The following NELL2 variants were observed in gnomAD, a reference collection of about 807,000 sequenced individuals.
NELL2 encodes the protein protein kinase C-binding protein NELL2.
NELL2 carries 41 observed loss-of-function variants against 109.6 expected under a neutral mutation model. That is an observed-to-expected ratio of 0.37 (90% CI 0.29 to 0.49). The LOEUF (loss-of-function observed/expected upper bound fraction) is 0.49, where lower values mean the gene tolerates loss of function less well. Ranked by LOEUF, NELL2 falls within the 20% of genes least tolerant of loss-of-function variation. The pLI, the probability that NELL2 is intolerant of heterozygous loss-of-function variation, is 0.98. For missense variants in NELL2, 900 were observed against 1,008.3 expected (o/e 0.89, Z 1.45); for synonymous variants, 355 against 344.7 (o/e 1.03, Z -0.33).
At chr12:44,782,594 G>A (rs1592522799) in intron 3 of NELL2, among the ~76,000 whole-genome samples, 1 of 151,442 alleles carries the variant, frequency 6.6e-6, no homozygotes, top group Non-Finnish European at 1.5e-5. Context: ...AGCAGAAATG[G>A]CTATATTAAT....
In NELL2 at chr12:44,875,254, T is replaced by C. The variant is rs1592694211; in HGVS notation, c.155A>G (p.His52Arg). ...AAAGAGAAAGGCTTTCGTCCCATTATGCAGCCCCGGGACCTGACGCACTCC... is the reference window on the plus strand; with the variant it reads ...AAAGAGAAAGGCTTTCGTCCCATTACGCAGCCCCGGGACCTGACGCACTCC... ...TTGVRQVPGL[H>R]NGTKAFLFQD... The change falls in exon 2 of 20, where the codon CAT becomes CGT. Residue 52 changes from histidine to arginine, a missense_variant. His to Arg is a conservative substitution (Grantham distance 29). This residue lies in a region of NELL2 where 200 missense variants were observed against 191.8 expected (regional missense o/e 1.04). Coordinates refer to ENST00000429094, the MANE Select transcript of NELL2 (RefSeq NM_001145108.2). 1 of 1,614,072 alleles carries C rather than the reference T, an allele frequency of 6.2e-7. No individual in the cohort carries two copies. The highest frequency in any genetic ancestry group is 8.5e-7 in the Non-Finnish European group (1 of 1,179,976).
chr12:44,752,470 C>T (rs532553330), intron 9 of NELL2, among the ~76,000 whole-genome samples: 10 of 152,226 alleles, frequency 6.6e-5, no homozygotes, highest in African/African-American at 2.2e-4. Context: ...AAATGATTCA[C>T]CCAGGTTCAC....
chr12:44,548,622 T>G lies in NELL2; in HGVS notation c.1664-15901A>C, dbSNP rs144674729. Among the ~76,000 whole-genome samples, 176 of 151,526 alleles carry G rather than the reference T, an allele frequency of 1.2e-3. 1 individual carries two copies. The East Asian group carries it at 0.026, about 23-fold the overall frequency. On this transcript the variant is annotated intron_variant, in intron 15 of 19. Transcript: ENST00000429094. ...GAGAGGCCTGAAAGCTAAGCTACCGTTTTTTTTGGTTGTTCAAAGAATATG... is the reference window on the plus strand; with the variant it reads ...GAGAGGCCTGAAAGCTAAGCTACCGGTTTTTTTGGTTGTTCAAAGAATATG...
At chr12:44,903,078 C>T (rs1432330641) in intron 1 of NELL2, among the ~76,000 whole-genome samples, 2 of 152,090 alleles carry the variant, frequency 1.3e-5, no homozygotes, top group Non-Finnish European at 2.9e-5. Flanking sequence ...AGCTTCTGCA[C>T]AGCAAAATAA....
intron 3 of NELL2, among the ~76,000 whole-genome samples, chr12:44,791,981 AT>A (rs1362027428): frequency 6.6e-6 from 1 of 151,496 alleles, no homozygotes; most frequent in East Asian, 1.9e-4. Flanking sequence ...GCACTTTGAC[AT>A]TTTGAGGCAC....
chr12:44,681,012 T>G (rs1948478019), intron 12 of NELL2, among the ~76,000 whole-genome samples: 1 of 150,896 alleles, frequency 6.6e-6, no homozygotes, highest in African/African-American at 2.4e-5. Flanking sequence ...TGTGCAATTC[T>G]TTTTTTTTAA....
chr12:44,820,240 G>A (rs1392424394), intron 2 of NELL2, among the ~76,000 whole-genome samples: 1 of 152,172 alleles, frequency 6.6e-6, no homozygotes, highest in Admixed American at 6.5e-5. Context: ...AGTCCAGGAA[G>A]GACTTGATGA....
intron 3 of NELL2, among the ~76,000 whole-genome samples, chr12:44,796,634 G>T (rs1417392329): frequency 1.3e-5 from 2 of 152,034 alleles, no homozygotes; most frequent in Non-Finnish European, 2.9e-5. Flanking sequence ...AGGTTTAGCT[G>T]TTTCAAAACT....
At chr12:44,592,776 C>T (rs1228970424) in intron 15 of NELL2, among the ~76,000 whole-genome samples, 1 of 152,210 alleles carries the variant, frequency 6.6e-6, no homozygotes, top group Non-Finnish European at 1.5e-5. Context: ...ATTGCTAGGG[C>T]TCTTTCCAAG....
chr12:44,805,560 T>C (rs1013508158), intron 3 of NELL2, among the ~76,000 whole-genome samples: 1 of 151,860 alleles, frequency 6.6e-6, no homozygotes, highest in Non-Finnish European at 1.5e-5. Flanking sequence ...TACATCTAAG[T>C]AGATACCTTA....
intron 3 of NELL2, among the ~76,000 whole-genome samples, chr12:44,793,316 T>C (rs926506568): frequency 6.6e-6 from 1 of 152,190 alleles, no homozygotes; most frequent in African/African-American, 2.4e-5. Flanking sequence ...CCCTTTTATC[T>C]TCTTGTTTAA....
Position 44,855,109 on chromosome 12 carries a change from AGTAT to A in NELL2, c.184+20112_184+20115del, listed in dbSNP as rs568872383. 8.5e-5 allele frequency among the ~76,000 whole-genome samples: 13 copies of A among 152,332 alleles called. No individual in the cohort carries two copies. In the East Asian group the frequency reaches 2.1e-3, roughly 25 times the overall value. On this transcript the variant is annotated intron_variant, in intron 2 of 19. Coordinates refer to ENST00000429094, the MANE Select transcript of NELL2 (RefSeq NM_001145108.2). ...ATTTTATACTAAGTCTTCAGCACCT[AGTAT>A]GTATTTCTATACTTATATCACTCCT... is the stretch of plus-strand genomic sequence containing the variant.
chr12:44,887,965 A>G (rs1275924507), intron 1 of NELL2, among the ~76,000 whole-genome samples: 1 of 151,990 alleles, frequency 6.6e-6, no homozygotes, highest in Non-Finnish European at 1.5e-5. Flanking sequence ...TCATAGTTTC[A>G]GTATTAGAGT....
rs1476563674 is a variant in NELL2, at chr12:44,876,101, G to A, written c.-232C>T. On this transcript the variant is annotated 5_prime_UTR_variant, in exon 1 of 20. Transcript: ENST00000429094. ...GCACATCATTCCCACACGCAGGGCC[G>A]AGGCGGCAGCGCGGCCCGGAGGGGG... is the stretch of plus-strand genomic sequence containing the variant. The A allele has an allele frequency of 2.5e-5, 33 of 1,337,120 alleles. No individual in the cohort carries two copies. Among genetic ancestry groups the A allele is most frequent in the Non-Finnish European group, 3.2e-5 (33 of 1,045,058 alleles). 82.8% of individuals were successfully genotyped at this position (1,337,120 alleles called of 1,614,324 possible).
At position 44,841,854 on chromosome 12, in the gene NELL2, G is replaced by A. The variant is rs181702221; in HGVS notation, c.185-25718C>T. Among the ~76,000 whole-genome samples the A allele has an allele frequency of 2.4e-3, 360 of 152,132 alleles. 1 individual carries two copies. The highest frequency in any genetic ancestry group is 7.8e-3 in the African/African-American group (324 of 41,496). On this transcript the variant is annotated intron_variant, in intron 2 of 19. Coordinates refer to ENST00000429094, the MANE Select transcript of NELL2 (RefSeq NM_001145108.2). The stretch of plus-strand genomic sequence containing the variant: ...CTCCCAGAAAGATCATGCCTTAGGA[G>A]TGGAGTTGCTCTAGCTCCTCTAGCC...
chr12:44,876,973 A>C, upstream of NELL2: 1 of 1,036,692 alleles, frequency 9.6e-7, no homozygotes, highest in Non-Finnish European at 1.2e-6. Context: ...CGGAGAGCGC[A>C]GAGAACTTGG....
intron 9 of NELL2, among the ~76,000 whole-genome samples, chr12:44,740,531 C>A (rs1308030282): frequency 1.3e-5 from 2 of 152,026 alleles, no homozygotes; most frequent in African/African-American, 4.8e-5. Context: ...ACCACACATA[C>A]CTAAATCCAA....
At chr12:44,566,275 C>T (rs1215867903) in intron 15 of NELL2, among the ~76,000 whole-genome samples, 1 of 151,886 alleles carries the variant, frequency 6.6e-6, no homozygotes, top group Non-Finnish European at 1.5e-5. Flanking sequence ...AGAGTAGATG[C>T]CTATTGTAGA....
chr12:44,743,981 A>C (rs1203878089), intron 9 of NELL2, among the ~76,000 whole-genome samples: 1 of 152,120 alleles, frequency 6.6e-6, no homozygotes, highest in East Asian at 1.9e-4. Flanking sequence ...CTCCACCCCA[A>C]ATCAACAGAA....
Sources: gnomAD v4.1 joint callset for allele counts (sites outside exome capture counted in the v4.1 genomes callset) on GRCh38, gnomAD v4.1.1 for gene constraint, gnomAD v4.1.1 regional missense constraint, MANE v1.5 for transcripts, NCBI Gene and HGNC (gene_info 2026-07-23, HGNC 2026-07-21) for gene names.